The following RBFOX1 variants were observed in gnomAD, a reference collection of about 807,000 sequenced individuals.
RBFOX1 encodes RNA binding protein fox-1 homolog 1.
A neutral mutation model predicts 57.7 loss-of-function variants in RBFOX1; 8 were observed. The observed-to-expected ratio is 0.14, with a 90% CI of 0.08 to 0.25. The LOEUF is 0.25. Ranked by LOEUF, RBFOX1 falls within the 10% of genes least tolerant of loss-of-function variation. RBFOX1 has a pLI of 1.00. For missense variants in RBFOX1, 611 were observed against 548.5 expected, an observed-to-expected ratio of 1.11 and a Z score of -1.14; for synonymous variants, 326 against 222.4, an observed-to-expected ratio of 1.47 and a Z score of -4.15.
intron 4 of RBFOX1, among the ~76,000 whole-genome samples, chr16:7,254,966 A>G (rs1280419945): frequency 3.9e-5 from 6 of 152,214 alleles, no homozygotes; most frequent in Non-Finnish European, 7.4e-5. Context: ...CGTTAATAAG[A>G]AGGTGTTTTC....
At chr16:6,941,713 A>G (rs2078549848) in intron 3 of RBFOX1, among the ~76,000 whole-genome samples, 1 of 152,132 alleles carries the variant, frequency 6.6e-6, no homozygotes, top group Non-Finnish European at 1.5e-5. Flanking sequence ...GGATAGACAG[A>G]GAGAGATTGG....
intron 3 of RBFOX1, among the ~76,000 whole-genome samples, chr16:6,941,648 G>A (rs1367405906): frequency 1.3e-5 from 2 of 151,864 alleles, no homozygotes; most frequent in Non-Finnish European, 2.9e-5. Context: ...TATAAGAATG[G>A]GTTTATCTAT....
rs75260797 is a variant in RBFOX1, at chr16:5,635,785, C to T, written c.318+36824C>T. Among the ~76,000 whole-genome samples the T allele has an allele frequency of 6.3e-3, 944 of 149,018 alleles. 12 individuals are homozygous for T. The highest frequency in any genetic ancestry group is 0.023 in the African/African-American group (895 of 38,974). On this transcript the variant is annotated intron_variant, in intron 3 of 19. Transcript: ENST00000641259. ...ATCAAGCCAGAGCAGGACTCAGATC[C>T]TGTTGATTTGTAGCACTGGGTTTTT...
At chr16:7,159,123 C>T (rs1374947980) in intron 4 of RBFOX1, among the ~76,000 whole-genome samples, 1 of 151,922 alleles carries the variant, frequency 6.6e-6, no homozygotes, top group South Asian at 2.1e-4. Flanking sequence ...CAGGATGTAA[C>T]CTTTGGAGAC....
chr16:7,335,158 T>C (rs2096762836), intron 4 of RBFOX1, among the ~76,000 whole-genome samples: 1 of 152,202 alleles, frequency 6.6e-6, no homozygotes. Context: ...GAAAAAACTG[T>C]ATCACTCACA....
intron 3 of RBFOX1, among the ~76,000 whole-genome samples, chr16:5,615,764 C>A (rs1352425872): frequency 2.0e-5 from 3 of 152,202 alleles, no homozygotes; most frequent in African/African-American, 7.2e-5. Flanking sequence ...GGAAAAAGGA[C>A]CCCAGATGAT....
intron 3 of RBFOX1, among the ~76,000 whole-genome samples, chr16:7,015,899 G>C (rs2093886552): frequency 6.6e-6 from 1 of 151,916 alleles, no homozygotes; most frequent in African/African-American, 2.4e-5. Context: ...TAAGCAACGT[G>C]TTTCAGGGAA....
intron 12 of RBFOX1, among the ~76,000 whole-genome samples, chr16:7,660,947 T>C (rs2067571072): frequency 6.6e-6 from 1 of 152,198 alleles, no homozygotes; most frequent in Non-Finnish European, 1.5e-5. Flanking sequence ...AGTTTCTACA[T>C]GTCTAAAGAG....
intron 2 of RBFOX1, among the ~76,000 whole-genome samples, chr16:5,507,228 C>A (rs540976885): frequency 1.2e-3 from 179 of 152,258 alleles, no homozygotes; most frequent in African/African-American, 4.0e-3. Context: ...ACTGCGGCCA[C>A]CATGACTGTC....
chr16:7,136,577 ATTTG>A (rs1014628417), intron 4 of RBFOX1, among the ~76,000 whole-genome samples: 1 of 151,690 alleles, frequency 6.6e-6, no homozygotes, highest in Non-Finnish European at 1.5e-5. Context: ...TAGCTAATTA[ATTTG>A]TTTGTTTGTT....
chr16:6,089,293 C>T (rs1011007131), intron 1 of RBFOX1, among the ~76,000 whole-genome samples: 2 of 151,986 alleles, frequency 1.3e-5, no homozygotes, highest in Non-Finnish European at 2.9e-5. Flanking sequence ...GAGTCTTACA[C>T]AATGAATGAG....
chr16:5,663,919 A>G (rs528580524), intron 3 of RBFOX1, among the ~76,000 whole-genome samples: 13 of 152,272 alleles, frequency 8.5e-5, no homozygotes, highest in East Asian at 7.7e-4. Context: ...GTTGAAGCAA[A>G]TGGGGCAGTC....
intron 2 of RBFOX1, among the ~76,000 whole-genome samples, chr16:5,548,221 T>G (rs2045314630): frequency 8.2e-6 from 1 of 122,280 alleles, no homozygotes; most frequent in African/African-American, 2.9e-5. Flanking sequence ...TGGGGACTAC[T>G]GGTGGGGGAG....
At chr16:6,521,505 C>G (rs1299644274) in intron 2 of RBFOX1, among the ~76,000 whole-genome samples, 1 of 147,050 alleles carries the variant, frequency 6.8e-6, no homozygotes, top group Non-Finnish European at 1.5e-5. Context: ...CGTTTTATCC[C>G]CTCCCCTTCG....
In RBFOX1 at chr16:6,584,202, G is replaced by T. The variant is rs377403087; in HGVS notation, c.-63-70401G>T. ...CATCTATTTTCTCAGTAAAACAAAGGGAAGTCTTGTAGATGAAGTTTTAGG... is the reference window on the plus strand; with the variant it reads ...CATCTATTTTCTCAGTAAAACAAAGTGAAGTCTTGTAGATGAAGTTTTAGG... On this transcript the variant is annotated intron_variant, in intron 2 of 15. Transcript: ENST00000550418. Among the ~76,000 whole-genome samples the T allele has an allele frequency of 1.3e-4, 19 of 151,836 alleles. 1 individual carries two copies. In the East Asian group the frequency reaches 3.1e-3, roughly 25 times the overall value.
At chr16:7,369,205 C>G (rs934325826) in intron 4 of RBFOX1, among the ~76,000 whole-genome samples, 1 of 151,880 alleles carries the variant, frequency 6.6e-6, no homozygotes, top group African/African-American at 2.4e-5. Context: ...CACCTTCCCC[C>G]AGCCCAATAG....
chr16:7,185,499 C>G (rs535398800), intron 4 of RBFOX1, among the ~76,000 whole-genome samples: 39 of 152,124 alleles, frequency 2.6e-4, no homozygotes, highest in Admixed American at 5.2e-4. Flanking sequence ...ATATTGCATC[C>G]TAATAATTCT....
chr16:5,724,912 C>T (rs948998074), intron 3 of RBFOX1, among the ~76,000 whole-genome samples: 2 of 152,188 alleles, frequency 1.3e-5, no homozygotes, highest in African/African-American at 2.4e-5. Flanking sequence ...ATTCCTGCCA[C>T]GTAGTGAAAT....
chr16:5,451,647 C>T (rs750133357), intron 1 of RBFOX1, among the ~76,000 whole-genome samples: 6 of 152,164 alleles, frequency 3.9e-5, no homozygotes, highest in East Asian at 1.9e-4. Context: ...TAGAAGTCTA[C>T]GTACAATGTC....
Sources: gnomAD v4.1 joint callset for allele counts (sites outside exome capture counted in the v4.1 genomes callset) on GRCh38, gnomAD v4.1.1 for gene constraint, MANE v1.5 for transcripts, NCBI Gene and HGNC (gene_info 2026-07-23, HGNC 2026-07-21) for gene names.